The following TMC5 variants were observed in gnomAD, a reference collection of about 807,000 sequenced individuals.
TMC5 encodes transmembrane channel-like protein 5.
Under a neutral mutation model 110.5 loss-of-function variants are expected in TMC5, and 86 were observed. That is an observed-to-expected ratio of 0.78 (90% CI 0.65 to 0.93). The LOEUF is 0.93. TMC5 is among the 40% of genes least tolerant of loss of function. The pLI is 0.00. For missense variants in TMC5, 1,144 were observed against 1,222.8 expected, an observed-to-expected ratio of 0.94 and a Z score of 0.96; for synonymous variants, 455 against 439.5, an observed-to-expected ratio of 1.04 and a Z score of -0.44.
chr16:19,425,880 T>C (rs1019478268), intron 1 of TMC5, among the ~76,000 whole-genome samples: 12 of 152,170 alleles, frequency 7.9e-5, no homozygotes, highest in Non-Finnish European at 1.3e-4. Flanking sequence ...GATGACAGGG[T>C]TTCACCATGT....
In TMC5 at chr16:19,492,933, TCTCTCTATAA is replaced by T. The variant is rs369227637; in HGVS notation, c.2826+706_2826+715del. ...AAACTTAGATATATATATATATATA[TCTCTCTATAA>T]GATAAATACTTTTATTTCATTTATT... On this transcript the variant is annotated intron_variant, in intron 19 of 21. Transcript: ENST00000542583. Among the ~76,000 whole-genome samples, 112 of 78,406 alleles carry T rather than the reference TCTCTCTATAA, an allele frequency of 1.4e-3. 12 individuals are homozygous for T. The highest frequency in any genetic ancestry group is 3.6e-3 in the African/African-American group (101 of 27,838). The allele number at this position is 78,406 out of a possible 152,430, so 51.4% of individuals were successfully genotyped here.
chr16:19,491,665 A>G (rs1408962895), intron 18 of TMC5, among the ~76,000 whole-genome samples: 1 of 151,088 alleles, frequency 6.6e-6, no homozygotes, highest in Non-Finnish European at 1.5e-5. Context: ...CCTCCCGAGT[A>G]GTTGGGACTA....
At chr16:19,489,795 CT>C (rs986591073) in intron 17 of TMC5, among the ~76,000 whole-genome samples, 24 of 144,560 alleles carry the variant, frequency 1.7e-4, no homozygotes, top group Non-Finnish European at 2.0e-4. Flanking sequence ...AATTTCATTT[CT>C]TTTTTTTTTT....
chr16:19,462,706 C>A, intron 6 of TMC5: 1 of 516,206 alleles, frequency 1.9e-6, no homozygotes, highest in South Asian at 2.3e-5. Context: ...TCAAGACCAG[C>A]CTGGCCAACA....
chr16:19,445,537 T>A (rs969492361), intron 4 of TMC5, among the ~76,000 whole-genome samples: 4 of 152,016 alleles, frequency 2.6e-5, no homozygotes, highest in Admixed American at 2.6e-4. Context: ...CCTGGGCCAA[T>A]TCTGAACAGT....
At chr16:19,487,498 T>C (rs953206790) in intron 17 of TMC5, among the ~76,000 whole-genome samples, 172 bp downstream of exon 17, 2 of 152,112 alleles carry the variant, frequency 1.3e-5, no homozygotes, top group African/African-American at 4.8e-5. Context: ...GGCCAGGAGT[T>C]CAGGACCAGC....
chr16:19,460,302 G>A lies in TMC5; in HGVS notation c.1116G>A (p.Gln372=), dbSNP rs930670474. The A allele has an allele frequency of 3.7e-6, 6 of 1,613,764 alleles. No homozygotes were observed. Among genetic ancestry groups the A allele is most frequent in the Non-Finnish European group, 5.1e-6 (6 of 1,179,776 alleles). The part of the protein sequence containing the change: ...SRDRIKAIRN[Q]PRTMEEKRNL... ...ACAGAATTAAAGCCATCAGGAACCA[G>A]CCAAGGACCATGGAAGAGAAAAGGA... The change falls in exon 6 of 22, where the codon CAG becomes CAA. Residue 372 remains glutamine, a synonymous_variant. Transcript: ENST00000542583.
At position 19,477,937 on chromosome 16, in the gene TMC5, G is replaced by A. The variant is rs182876202; in HGVS notation, c.2169+419G>A. Among the ~76,000 whole-genome samples the A allele has an allele frequency of 2.6e-5, 4 of 152,284 alleles. No individual in the cohort carries two copies. The East Asian group carries it at 7.7e-4, about 29-fold the overall frequency. ...TGATCCTTGATGTTCTATTTTTCCT[G>A]TAACCTAGATACCCTGGGCTTTACC... On this transcript the variant is annotated intron_variant, in intron 13 of 21. Coordinates refer to ENST00000542583, the MANE Select transcript of TMC5 (RefSeq NM_001261841.2).
At chr16:19,425,327 C>CTTTTTTTTTTTTTTTTTTTTTTTTT (rs35472194) in intron 1 of TMC5, among the ~76,000 whole-genome samples, 2 of 124,586 alleles carry the variant, frequency 1.6e-5, no homozygotes, top group Non-Finnish European at 1.7e-5. Flanking sequence ...GTTGAGTTTG[C>CTTTTTTTTTTTTTTTTTTTTTTTTT]TTTTTTTTTT....
At chr16:19,476,586 T>C (rs1968495434) in intron 12 of TMC5, among the ~76,000 whole-genome samples, 1 of 152,096 alleles carries the variant, frequency 6.6e-6, no homozygotes, top group African/African-American at 2.4e-5. Context: ...GATGATTCAA[T>C]AAAGAGGTTG....
chr16:19,486,984 A>G lies in TMC5; in HGVS notation c.2403A>G (p.Gln801=). The change falls in exon 16 of 22, where the codon CAA becomes CAG. Residue 801 remains glutamine (Q), a synonymous_variant. Coordinates refer to ENST00000542583, the MANE Select transcript of TMC5 (RefSeq NM_001261841.2). ...IFFCPLLPFI[Q]MIMLFIMFYS... The stretch of plus-strand genomic sequence containing the variant: ...TCTGCCCCCTGCTGCCCTTTATCCA[A>G]ATGATTATGCTTTTCATCATGTTCT... The G allele has an allele frequency of 1.2e-6, 2 of 1,613,916 alleles. No individual in the cohort carries two copies. The highest frequency in any genetic ancestry group is 2.2e-5 in the East Asian group (1 of 44,864).
Position 19,478,950 on chromosome 16 carries a change from T to C in TMC5, c.2170-481T>C, listed in dbSNP as rs565040136. Among the ~76,000 whole-genome samples, 5 of 152,356 alleles carry C rather than the reference T, an allele frequency of 3.3e-5. No homozygotes were observed. The South Asian group carries it at 1.0e-3, about 32-fold the overall frequency. On this transcript the variant is annotated intron_variant, in intron 13 of 21. Transcript: ENST00000542583. ...GTTCCTAGCCACTAGTTTCATAAAC[T>C]GACTAATTTGAGCTTCCAGTTTACA...
chr16:19,461,560 C>T (rs1416100629), intron 6 of TMC5, among the ~76,000 whole-genome samples: 1 of 150,726 alleles, frequency 6.6e-6, no homozygotes, highest in East Asian at 1.9e-4. Flanking sequence ...GGTGACAGAG[C>T]AAGACTCTGT....
intron 8 of TMC5, among the ~76,000 whole-genome samples, chr16:19,464,354 G>A (rs910899882): frequency 1.3e-5 from 2 of 152,116 alleles, no homozygotes; most frequent in African/African-American, 2.4e-5. Flanking sequence ...AGCCCAGGAG[G>A]CAGAGATTGC....
In TMC5 at chr16:19,444,057, G is replaced by C. The variant is rs115749898; in HGVS notation, c.789-24G>C. ...TCCTTACTATACTCTTGGTTGGATA[G>C]TGATCCATCATTTTGGATTTTAGGG... On this transcript the variant is annotated intron_variant, in intron 3 of 21. Coordinates refer to ENST00000542583, the MANE Select transcript of TMC5 (RefSeq NM_001261841.2). 1,306 of 1,608,812 alleles carry C rather than the reference G, an allele frequency of 8.1e-4. 7 individuals carry two copies. In the African/African-American group the frequency reaches 0.015, roughly 19 times the overall value.
upstream of TMC5, among the ~76,000 whole-genome samples, chr16:19,414,540 C>CA (rs1414915411): frequency 6.6e-6 from 1 of 152,076 alleles, no homozygotes; most frequent in Non-Finnish European, 1.5e-5. Flanking sequence ...CCGTGCTATT[C>CA]ATACTGTGTG....
chr16:19,413,523 CAAAAAAAAA>C (rs869158130), upstream of TMC5, among the ~76,000 whole-genome samples: 29 of 52,978 alleles, frequency 5.5e-4, no homozygotes, highest in African/African-American at 1.2e-3. Flanking sequence ...AACCCTGCCT[CAAAAAAAAA>C]AAAAAAAAAA....
chr16:19,446,891 C>T (rs1040183952), intron 4 of TMC5, among the ~76,000 whole-genome samples: 3 of 152,156 alleles, frequency 2.0e-5, no homozygotes, highest in African/African-American at 7.2e-5. Context: ...GTCACCCCAT[C>T]CTGATAAAGT....
At chr16:19,464,429 T>C (rs1968105750) in intron 8 of TMC5, among the ~76,000 whole-genome samples, 1 of 151,832 alleles carries the variant, frequency 6.6e-6, no homozygotes, top group South Asian at 2.1e-4. Context: ...GTCTCAATCA[T>C]CAATCAATCA....
Sources: gnomAD v4.1 joint callset for allele counts (sites outside exome capture counted in the v4.1 genomes callset) on GRCh38, gnomAD v4.1.1 for gene constraint, MANE v1.5 for transcripts, NCBI Gene and HGNC (gene_info 2026-07-23, HGNC 2026-07-21) for gene names.